The following HSD17B12 variants were observed in gnomAD, a reference collection of about 807,000 sequenced individuals.
HSD17B12 encodes the protein very-long-chain 3-oxoacyl-CoA reductase.
In HSD17B12, 32 loss-of-function variants were observed where a neutral mutation model predicts 39.3. The observed-to-expected ratio is 0.81, with a 90% CI of 0.61 to 1.09. The LOEUF is 1.09. HSD17B12 is among the 50% of genes least tolerant of loss of function. The probability of loss-of-function intolerance (pLI) is 0.00; values close to 1 mark genes in which losing one functional copy is unlikely to be tolerated. For missense variants in HSD17B12, 342 were observed against 382.9 expected (o/e 0.89, Z 0.89); for synonymous variants, 150 against 146.7 (o/e 1.02, Z -0.16).
upstream of HSD17B12, chr11:43,680,412 C>A (rs1268119388): frequency 1.9e-5 from 4 of 207,908 alleles, no homozygotes; most frequent in Non-Finnish European, 3.0e-5. Flanking sequence ...TCACTAGCGG[C>A]TTCTCTGATC....
intron 3 of HSD17B12, among the ~76,000 whole-genome samples, chr11:43,781,941 A>G (rs777238208): frequency 5.9e-5 from 9 of 152,194 alleles, no homozygotes; most frequent in Admixed American, 2.0e-4. Context: ...ATATGTGTGT[A>G]TGTTACAGTT....
Position 43,855,187 on chromosome 11 carries a change from T to C in HSD17B12, c.878T>C (p.Ile293Thr). The change falls in exon 11 of 11, where the codon ATA becomes ACA. Residue 293 changes from isoleucine (I) to threonine (T), a missense_variant. Coordinates refer to ENST00000278353, the MANE Select transcript of HSD17B12 (RefSeq NM_016142.3). ...SNLPSWIYLK[I>T]VMNMNKSTRA... ...CTGCCTTCTTGGATTTATTTGAAAA[T>C]AGTCATGAATATGAACAAGTCTACA... 1.7e-5 allele frequency: 27 copies of C among 1,611,900 alleles called. No homozygotes were observed. Among genetic ancestry groups the C allele is most frequent in the Non-Finnish European group, 2.3e-5 (27 of 1,179,166 alleles).
At chr11:43,566,819 C>A in the HSD17B12 span, among the ~76,000 whole-genome samples, 1 of 152,212 alleles carries the variant, frequency 6.6e-6, no homozygotes, top group East Asian at 1.9e-4. Context: ...TGAGCCACCA[C>A]GCCCAGCCCC....
chr11:43,576,809 C>A, the HSD17B12 span, among the ~76,000 whole-genome samples: 1 of 151,932 alleles, frequency 6.6e-6, no homozygotes, highest in Admixed American at 6.6e-5. Flanking sequence ...GCAAAGAAAC[C>A]GAGAGAGGGA....
chr11:43,594,632 G>A, the HSD17B12 span, among the ~76,000 whole-genome samples: 1 of 151,632 alleles, frequency 6.6e-6, no homozygotes, highest in East Asian at 1.9e-4. Context: ...CTTTCTAAGA[G>A]CTAATGATCT....
At chr11:43,751,389 G>A (rs897348033) in intron 2 of HSD17B12, among the ~76,000 whole-genome samples, 3 of 152,174 alleles carry the variant, frequency 2.0e-5, no homozygotes, top group Non-Finnish European at 4.4e-5. Context: ...ATAGACACAG[G>A]CAAAGGGTTC....
rs1950299090 is a variant in HSD17B12, at chr11:43,734,523, T to C, written c.161-16388T>C. 6.6e-6 allele frequency: 4 copies of C among 602,084 alleles called. No homozygotes were observed. The East Asian group carries it at 1.6e-4, about 25-fold the overall frequency. The allele number at this position is 602,084 out of a possible 1,614,324, so 37.3% of individuals were successfully genotyped here. On this transcript the variant is annotated intron_variant, in intron 1 of 10. Coordinates refer to ENST00000278353, the MANE Select transcript of HSD17B12 (RefSeq NM_016142.3). ...CAGCTCTCGCTCTCGGAATATCACC[T>C]ACCTGCCAGCAGGGCAGTCCGTGCC...
intron 1 of HSD17B12, among the ~76,000 whole-genome samples, chr11:43,684,539 A>G (rs1412454248): frequency 6.6e-6 from 1 of 152,268 alleles, no homozygotes; most frequent in South Asian, 2.1e-4. Flanking sequence ...AGGCAAGGTA[A>G]GTAGACTTCC....
At chr11:43,645,120 C>G in the HSD17B12 span, 1 of 152,206 alleles carries the variant, frequency 6.6e-6, no homozygotes, top group Admixed American at 6.5e-5. Context: ...TGTTGGGACC[C>G]TGATCTTTGA....
chr11:43,759,161 A>T (rs1950536210), intron 3 of HSD17B12, among the ~76,000 whole-genome samples: 1 of 152,164 alleles, frequency 6.6e-6, no homozygotes, highest in Non-Finnish European at 1.5e-5. Context: ...TTGATGAGGA[A>T]ATTACTTGAC....
chr11:43,612,934 A>G, the HSD17B12 span, among the ~76,000 whole-genome samples: 48 of 152,294 alleles, frequency 3.2e-4, no homozygotes, highest in African/African-American at 1.1e-3. Context: ...CATCAAGACC[A>G]TGCATCAGAG....
chr11:43,626,496 A>G, the HSD17B12 span, among the ~76,000 whole-genome samples: 3 of 151,920 alleles, frequency 2.0e-5, no homozygotes, highest in Admixed American at 6.6e-5. Flanking sequence ...TTGGTTTTAC[A>G]TACAAATAAA....
In HSD17B12 at chr11:43,831,049, A is replaced by G. The variant is rs1951304777; in HGVS notation, c.536+39A>G. On this transcript the variant is annotated intron_variant, in intron 7 of 10. Coordinates refer to ENST00000278353, the MANE Select transcript of HSD17B12 (RefSeq NM_016142.3). The surrounding 1 kb of genome is among the most constrained non-coding windows in gnomAD (Gnocchi z 4.1). ...TCACATACAAACACTGTGGAAGCAG[A>G]GCTCATGATTATTTAGAGGGAGAAT... is the stretch of plus-strand genomic sequence containing the variant. The G allele has an allele frequency of 6.4e-7, 1 of 1,567,118 alleles. No individual in the cohort carries two copies. The highest frequency in any genetic ancestry group is 8.7e-7 in the Non-Finnish European group (1 of 1,151,030).
intron 1 of HSD17B12, among the ~76,000 whole-genome samples, chr11:43,701,688 G>A (rs994100779): frequency 6.6e-6 from 1 of 152,274 alleles, no homozygotes; most frequent in African/African-American, 2.4e-5. Flanking sequence ...ATTGGTCAGT[G>A]TGTCTGCTTT....
intron 1 of HSD17B12, among the ~76,000 whole-genome samples, chr11:43,728,292 C>G (rs1311201155): frequency 6.6e-6 from 1 of 152,110 alleles, no homozygotes; most frequent in East Asian, 1.9e-4. Context: ...TCATGAACTC[C>G]TGACCTCAGG....
At chr11:43,637,217 C>CTTT in the HSD17B12 span, among the ~76,000 whole-genome samples, 1,133 of 109,416 alleles carry the variant, frequency 0.01, 22 homozygotes, top group East Asian at 0.028. Context: ...GGTGTTTTTC[C>CTTT]TTTTTTTTTT....
chr11:43,831,902 G>A lies in HSD17B12; in HGVS notation c.536+892G>A, dbSNP rs1228957962. Among the ~76,000 whole-genome samples the A allele has an allele frequency of 6.6e-6, 1 of 152,144 alleles. No homozygotes were observed. Among genetic ancestry groups the A allele is most frequent in the Non-Finnish European group, 1.5e-5 (1 of 68,024 alleles). On this transcript the variant is annotated intron_variant, in intron 7 of 10. Transcript: ENST00000278353. The surrounding 1 kb of genome is among the most constrained non-coding windows in gnomAD (Gnocchi z 4.1). ...TATGTTTATTGAGTATATAGTAAGT[G>A]CCAGGAACTTAGTAAGTGTTAACTC... is the stretch of plus-strand genomic sequence containing the variant.
intron 1 of HSD17B12, among the ~76,000 whole-genome samples, chr11:43,736,998 A>G (rs576725565): frequency 2.6e-5 from 4 of 152,294 alleles, no homozygotes; most frequent in African/African-American, 9.6e-5. Flanking sequence ...ATCATTTTCT[A>G]TTCCTACCAC....
chr11:43,702,082 A>G (rs7482725), intron 1 of HSD17B12, among the ~76,000 whole-genome samples: 76,069 of 151,914 alleles, frequency 0.5, 19,483 homozygotes, highest in Non-Finnish European at 0.53. Flanking sequence ...TTTCATGGGT[A>G]GCTATTATAA....
Sources: allele counts gnomAD v4.1 joint callset (sites outside exome capture counted in the v4.1 genomes callset), GRCh38; gene constraint gnomAD v4.1.1; non-coding constraint Gnocchi (gnomAD v3.1); transcripts MANE v1.5; gene names NCBI Gene and HGNC (gene_info 2026-07-23, HGNC 2026-07-21).